Variants in DERA observed in about 807,000 individuals in gnomAD.
The protein encoded by DERA is deoxyribose-phosphate aldolase, also known as 2-deoxy-D-ribose 5-phosphate aldolase.
In DERA, 15 loss-of-function variants were observed where a neutral mutation model predicts 41.1. The observed-to-expected ratio is 0.37, with a 90% CI of 0.24 to 0.56. The LOEUF is 0.56. Among genes scored for constraint, DERA ranks in the 20% least tolerant of loss-of-function variants. The pLI, the probability that DERA is intolerant of heterozygous loss-of-function variation, is 0.81. For synonymous variants in DERA, 139 were observed against 137.4 expected, an observed-to-expected ratio of 1.01 and a Z score of -0.08; for missense variants, 396 against 403.4, an observed-to-expected ratio of 0.98 and a Z score of 0.16.
At chr12:16,033,000 T>A in intron 7 of DERA, 1 of 223,050 alleles carries the variant, frequency 4.5e-6, no homozygotes, top group Non-Finnish European at 8.9e-6. Context: ...TCACAAGGTG[T>A]TGGCCAGTGA....
In DERA at chr12:15,966,367, G is replaced by A. The variant is rs1948623025; in HGVS notation, c.508+3420G>A. On this transcript the variant is annotated intron_variant, in intron 5 of 8. Coordinates refer to ENST00000428559, the MANE Select transcript of DERA (RefSeq NM_015954.4). The surrounding 1 kb of genome is among the most constrained non-coding windows in gnomAD (Gnocchi z 5.1). ...TAATCCCAGCTACTCTGGAGGCTGA[G>A]GTGAGCGAATTGCTTGAACCTGGGA... Among the ~76,000 whole-genome samples the A allele has an allele frequency of 6.6e-6, 1 of 152,130 alleles. No individual in the cohort carries two copies. Among genetic ancestry groups the A allele is most frequent in the Non-Finnish European group, 1.5e-5 (1 of 68,024 alleles).
chr12:16,032,492 TA>T, intron 6 of DERA, 49 bp from the exon 7 acceptor site: 6 of 1,091,480 alleles, frequency 5.5e-6, no homozygotes, highest in South Asian at 1.8e-5. Context: ...CTCAAAAGTG[TA>T]AAAAAAGAAT....
chr12:15,956,939 T>G lies in DERA; in HGVS notation c.35T>G (p.Leu12Arg), dbSNP rs1481863034. 2 of 1,613,452 alleles carry G rather than the reference T, an allele frequency of 1.2e-6. No individual in the cohort carries two copies. The highest frequency in any genetic ancestry group is 1.7e-6 in the Non-Finnish European group (2 of 1,179,354). ...AGTGTTTTTCTGTCTGTTTTAGACC[T>G]TAGCTGGATCTCCAAAATACAAGTG... ...SAHNRGTELD[L>R]SWISKIQVNH... The change falls in exon 2 of 9, where the codon CTT (leucine) becomes CGT (arginine). Residue 12 changes from leucine (L) to arginine (R), a missense_variant. Physicochemically the swap from Leu to Arg is moderately radical, Grantham distance 102 (BLOSUM62 -2). Coordinates refer to ENST00000428559, the MANE Select transcript of DERA (RefSeq NM_015954.4).
chr12:15,925,891 G>C (rs576911456), intron 1 of DERA, among the ~76,000 whole-genome samples: 1 of 135,006 alleles, frequency 7.4e-6, no homozygotes, highest in East Asian at 2.3e-4. Context: ...ACAATGGCAC[G>C]ATCTCGGCTC....
rs909340163 is a variant in DERA, at chr12:15,996,261, G to A, written c.637+13825G>A. Among the ~76,000 whole-genome samples the A allele has an allele frequency of 1.3e-5, 2 of 151,776 alleles. No individual in the cohort carries two copies. Among genetic ancestry groups the A allele is most frequent in the Middle Eastern group, 3.2e-3 (1 of 316 alleles). ...ATATAGAAAACATGGGAAAAGAGGA[G>A]TGTATTAGTTTCTTGGGCTCGCTGT... On this transcript the variant is annotated intron_variant, in intron 6 of 8. Transcript: ENST00000428559. The surrounding 1 kb of genome is among the most constrained non-coding windows in gnomAD (Gnocchi z 4.7).
Position 15,958,173 on chromosome 12 carries a change from T to A in DERA, c.130-15T>A, listed in dbSNP as rs765234051. 1 of 1,529,842 alleles carries A rather than the reference T, an allele frequency of 6.5e-7. No individual in the cohort carries two copies. Among genetic ancestry groups the A allele is most frequent in the South Asian group, 1.3e-5 (1 of 78,800 alleles). 94.8% of individuals were successfully genotyped at this position (1,529,842 alleles called of 1,614,324 possible). A position where few individuals can be genotyped will look rare whatever the true frequency, so the allele number is the denominator to read the frequency against. ...TTTATTAAATTTACTTTGTTTTCAC[T>A]TTTGTTTAAACCAGGCTGCTTGGCT... On this transcript the variant is annotated splice_polypyrimidine_tract_variant and intron_variant, in intron 2 of 8. Coordinates refer to ENST00000428559, the MANE Select transcript of DERA (RefSeq NM_015954.4).
chr12:15,973,033 C>T (rs1207717912), intron 5 of DERA, among the ~76,000 whole-genome samples: 1 of 152,040 alleles, frequency 6.6e-6, no homozygotes, highest in Non-Finnish European at 1.5e-5. Flanking sequence ...TGGCCGAGTG[C>T]TCTGATTCCT....
intron 6 of DERA, among the ~76,000 whole-genome samples, chr12:16,002,687 T>C (rs3983662): frequency 0.63 from 95,287 of 151,854 alleles, 31,387 homozygotes; most frequent in Non-Finnish European, 0.73. Flanking sequence ...GTACATCCTC[T>C]TCTCTTATTT....
rs774689965 is a variant in DERA, at chr12:16,013,454, C to T, written c.638-19088C>T. On this transcript the variant is annotated intron_variant, in intron 6 of 8. Coordinates refer to ENST00000428559, the MANE Select transcript of DERA (RefSeq NM_015954.4). The surrounding 1 kb of genome is among the most constrained non-coding windows in gnomAD (Gnocchi z 5.8). ...TATAAGGAGTTCTCCTACCTTTGCT[C>T]GGCACTTCTTGCTGCTGCCTTGTGA... Among the ~76,000 whole-genome samples the T allele has an allele frequency of 4.6e-5, 7 of 152,138 alleles. No individual in the cohort carries two copies. The highest frequency in any genetic ancestry group is 8.8e-5 in the Non-Finnish European group (6 of 68,034).
rs771795615 is a variant in DERA at position 15,957,761 on chromosome 12, A to G, written c.130-427A>G. ...GATTAAATTGAAAAAACACCAAAAA[A>G]CTTGGAAACTTTTAAAAATGATAAT... On this transcript the variant is annotated intron_variant, in intron 2 of 8. Coordinates refer to ENST00000428559, the MANE Select transcript of DERA (RefSeq NM_015954.4). This position sits in a 1 kb window ranked among gnomAD's most constrained non-coding sequence, Gnocchi z 4.8. Among the ~76,000 whole-genome samples the G allele has an allele frequency of 6.6e-6, 1 of 152,206 alleles. No individual in the cohort carries two copies. The highest frequency in any genetic ancestry group is 1.5e-5 in the Non-Finnish European group (1 of 68,026).
chr12:16,020,092 A>T lies in DERA; in HGVS notation c.638-12450A>T, dbSNP rs1368149825. On this transcript the variant is annotated intron_variant, in intron 6 of 8. Transcript: ENST00000428559. This position sits in a 1 kb window ranked among gnomAD's most constrained non-coding sequence, Gnocchi z 5.5. ...TAAGCCTCCCAGGAGCCTCTCTAGG[A>T]GCAGATCCAAGCACCACACTTACTG... Among the ~76,000 whole-genome samples the T allele has an allele frequency of 6.6e-6, 1 of 152,160 alleles. No individual in the cohort carries two copies. The highest frequency in any genetic ancestry group is 1.5e-5 in the Non-Finnish European group (1 of 68,014).
chr12:15,963,546 A>G (rs1389005227), intron 5 of DERA, among the ~76,000 whole-genome samples: 3 of 152,198 alleles, frequency 2.0e-5, no homozygotes, highest in African/African-American at 7.2e-5. Context: ...AACAGATATT[A>G]AAGAATCAAA....
chr12:15,950,483 C>G (rs538409942), intron 1 of DERA, among the ~76,000 whole-genome samples: 4 of 152,238 alleles, frequency 2.6e-5, no homozygotes, highest in Admixed American at 2.0e-4. Flanking sequence ...TCTTTATGAC[C>G]TGTATTTTGT....
rs1309592231 is a variant in DERA at position 15,921,091 on chromosome 12, A to T, written c.31+9677A>T. ...TTTATATATCATATATTTTACACTG[A>T]TAAGCAAAGTTTCTCTAAGCAAATA... On this transcript the variant is annotated intron_variant, in intron 1 of 8. Coordinates refer to ENST00000428559, the MANE Select transcript of DERA (RefSeq NM_015954.4). This position sits in a 1 kb window ranked among gnomAD's most constrained non-coding sequence, Gnocchi z 5.3. 6.6e-6 allele frequency among the ~76,000 whole-genome samples: 1 copy of T among 152,180 alleles called. No homozygotes were observed. Among genetic ancestry groups the T allele is most frequent in the Admixed American group, 6.5e-5 (1 of 15,278 alleles).
intron 6 of DERA, among the ~76,000 whole-genome samples, chr12:16,005,806 T>C (rs1208922656): frequency 6.6e-6 from 1 of 152,246 alleles, no homozygotes; most frequent in African/African-American, 2.4e-5. Flanking sequence ...AGCAAGTGAA[T>C]AGTTATTAGG....
intron 1 of DERA, among the ~76,000 whole-genome samples, chr12:15,953,294 G>A (rs1403081723): frequency 6.6e-6 from 1 of 152,148 alleles, no homozygotes; most frequent in Non-Finnish European, 1.5e-5. Flanking sequence ...AATAGAAAAA[G>A]CGCCTCCTTT....
rs561867284 is a variant in DERA, at chr12:15,992,869, A to G, written c.637+10433A>G. ...CCGCTCTGAAGTTATTCTAGACCTT[A>G]TCTTTGGAAATAATGCAGGCATGAT... On this transcript the variant is annotated intron_variant, in intron 6 of 8. Transcript: ENST00000428559. The surrounding 1 kb of genome is among the most constrained non-coding windows in gnomAD (Gnocchi z 4.3). Among the ~76,000 whole-genome samples, 15 of 152,308 alleles carry G rather than the reference A, an allele frequency of 9.8e-5. No individual in the cohort carries two copies. The highest frequency in any genetic ancestry group is 3.6e-4 in the African/African-American group (15 of 41,572).
chr12:15,980,528 AAG>A (rs1948725580), intron 5 of DERA, among the ~76,000 whole-genome samples: 1 of 152,174 alleles, frequency 6.6e-6, no homozygotes, highest in Admixed American at 6.5e-5. Context: ...TCTGAATTAA[AAG>A]AATATAATTT....
intron 6 of DERA, among the ~76,000 whole-genome samples, chr12:16,015,871 C>T (rs1160529425): frequency 1.3e-5 from 2 of 152,204 alleles, no homozygotes; most frequent in Non-Finnish European, 2.9e-5. Context: ...CTTGTAGTTA[C>T]TTTTACTAGG....
Sources: gnomAD v4.1 joint callset for allele counts (sites outside exome capture counted in the v4.1 genomes callset) on GRCh38, gnomAD v4.1.1 for gene constraint, Gnocchi (gnomAD v3.1) non-coding constraint, MANE v1.5 for transcripts, NCBI Gene and HGNC (gene_info 2026-07-23, HGNC 2026-07-21) for gene names.